TACC3: variants seen among roughly 807,000 people sequenced by gnomAD.
The protein encoded by TACC3 is transforming acidic coiled-coil containing protein 3.
In TACC3, 52 loss-of-function variants were observed where a neutral mutation model predicts 86.0. That is an observed-to-expected ratio of 0.60 (90% CI 0.48 to 0.76). The LOEUF (loss-of-function observed/expected upper bound fraction) is 0.76, where lower values mean the gene tolerates loss of function less well. Among genes scored for constraint, TACC3 ranks in the 30% least tolerant of loss-of-function variants. TACC3 has a pLI of 0.00. For synonymous variants in TACC3, 512 were observed against 430.0 expected (o/e 1.19, Z -2.36); for missense variants, 1,120 against 1,070.4 (o/e 1.05, Z -0.65).
In TACC3 at chr4:1,740,206, C is replaced by T. The variant is rs368836442; in HGVS notation, c.2062+204C>T. 4.0e-3 allele frequency: 2,435 copies of T among 605,812 alleles called. 21 individuals carry two copies. The highest frequency in any genetic ancestry group is 0.014 in the South Asian group (717 of 50,734). 37.5% of individuals were successfully genotyped at this position (605,812 alleles called of 1,614,324 possible). ...GTGGTAGTGAGGCTGGTGGCTCCCA[C>T]GGAGCCAGGGCTTGGCAGGCCCCAC... On this transcript the variant is annotated intron_variant, in intron 12 of 15. Coordinates refer to ENST00000313288, the MANE Select transcript of TACC3 (RefSeq NM_006342.3).
At chr4:1,737,951 C>G (rs749238437) in intron 10 of TACC3, 14 of 607,692 alleles carry the variant, frequency 2.3e-5, no homozygotes, top group Non-Finnish European at 4.3e-5. Flanking sequence ...ACTCTCCGGC[C>G]TGGGCATGGC....
At chr4:1,737,081 G>T (rs182829686) in intron 8 of TACC3, among the ~76,000 whole-genome samples, 160 bp from the exon 9 acceptor site, 1 of 152,190 alleles carries the variant, frequency 6.6e-6, no homozygotes, top group Non-Finnish European at 1.5e-5. Context: ...CAGAGAGGCC[G>T]GGCATGCTGG....
chr4:1,733,288 A>T (rs1718093700), intron 6 of TACC3, among the ~76,000 whole-genome samples: 1 of 152,208 alleles, frequency 6.6e-6, no homozygotes, highest in African/African-American at 2.4e-5. Flanking sequence ...TTTAAGAGGT[A>T]AATCCCTTTT....
chr4:1,729,899 G>A (rs921787221), intron 4 of TACC3, among the ~76,000 whole-genome samples: 4 of 152,214 alleles, frequency 2.6e-5, no homozygotes, highest in African/African-American at 9.6e-5. Context: ...CCAAGTGCTG[G>A]TGTTACCGCT....
At position 1,744,958 on chromosome 4, in the gene TACC3, A is replaced by G. The variant is rs2108726100; in HGVS notation, c.2462A>G (p.Asn821Ser). ...EKTVEQKTKE[N>S]EELTRICDDL... is the part of the protein sequence containing the mutation. ...ATCTTCCTCCTCCAGACTAAAGAGA[A>G]CGAGGAGCTGACCAGGATCTGCGAC... Residue 821 changes from asparagine to serine, a missense_variant, in exon 16 of 16, where the codon AAC becomes AGC. Asn to Ser is a conservative substitution (Grantham distance 46, BLOSUM62 1). Coordinates refer to ENST00000313288, the MANE Select transcript of TACC3 (RefSeq NM_006342.3). 1 of 1,612,054 alleles carries G rather than the reference A, an allele frequency of 6.2e-7. No individual in the cohort carries two copies. Among genetic ancestry groups the G allele is most frequent in the African/African-American group, 1.3e-5 (1 of 75,048 alleles).
chr4:1,743,861 T>A (rs1273514022), intron 13 of TACC3, among the ~76,000 whole-genome samples: 1 of 152,196 alleles, frequency 6.6e-6, no homozygotes, highest in African/African-American at 2.4e-5. Flanking sequence ...CATCAGGGGC[T>A]GCATGCTGGG....
upstream of TACC3, chr4:1,721,138 G>C: frequency 4.3e-6 from 1 of 233,414 alleles, no homozygotes; most frequent in Non-Finnish European, 8.0e-6. Context: ...GGGAGATGCA[G>C]TCCCCGTGCG....
At chr4:1,741,609 C>T (rs7654245) in intron 13 of TACC3, 60,371 of 152,248 alleles carry the variant, frequency 0.4, 12,337 homozygotes, top group Non-Finnish European at 0.46. Context: ...TGCTCAACGC[C>T]TCCTGTGGAG....
Position 1,735,836 on chromosome 4 carries a change from T to C in TACC3, c.1748+2T>C. 6.3e-7 allele frequency: 1 copy of C among 1,582,760 alleles called. No individual in the cohort carries two copies. Among genetic ancestry groups the C allele is most frequent in the Non-Finnish European group, 8.6e-7 (1 of 1,160,102 alleles). On this transcript the variant is annotated splice_donor_variant, in intron 8 of 15. Coordinates refer to ENST00000313288, the MANE Select transcript of TACC3 (RefSeq NM_006342.3). LOFTEE classifies it high-confidence loss of function. This position sits in a 1 kb window ranked among gnomAD's most constrained non-coding sequence, Gnocchi z 4.2. ...GCCCGTGGCCACCGAGACCAGCAGG[T>C]ATGTGCGCCGGCCCTCCCTCATGCA... is the stretch of plus-strand genomic sequence containing the variant.
chr4:1,721,809 C>T (rs1313982223), intron 1 of TACC3, 166 bp downstream of exon 1: 1 of 152,192 alleles, frequency 6.6e-6, no homozygotes, highest in African/African-American at 2.4e-5. Flanking sequence ...TGTACCGCGC[C>T]CTGTCATGGG....
chr4:1,741,061 C>A, intron 13 of TACC3, 75 bp downstream of exon 13: 2 of 1,453,506 alleles, frequency 1.4e-6, no homozygotes, highest in South Asian at 1.3e-5. Context: ...GGGCTACAAG[C>A]TGCTGTCTTT....
chr4:1,728,966 G>C (rs798760), intron 4 of TACC3, among the ~76,000 whole-genome samples, 179 bp downstream of exon 4: 4,411 of 152,324 alleles, frequency 0.029, 98 homozygotes, highest in South Asian at 0.065. Flanking sequence ...AGGGTGCTTG[G>C]CCTTGCCTTG....
At position 1,728,617 on chromosome 4, in the gene TACC3, C is replaced by G; in HGVS notation, c.1215C>G (p.Leu405=). 1 of 1,613,944 alleles carries G rather than the reference C, an allele frequency of 6.2e-7. No homozygotes were observed. The highest frequency in any genetic ancestry group is 8.5e-7 in the Non-Finnish European group (1 of 1,180,016). Residue 405 remains leucine, a synonymous_variant, in exon 4 of 16, where the codon CTC becomes CTG. Coordinates refer to ENST00000313288, the MANE Select transcript of TACC3 (RefSeq NM_006342.3). The part of the protein sequence containing the change: ...PMPASRGSYH[L]DWDKMDDPNF... ...CAGCTTCTCGGGGCTCTTACCACCT[C>G]GACTGGGACAAAATGGATGACCCAA...
intron 3 of TACC3, among the ~76,000 whole-genome samples, chr4:1,726,945 G>A (rs1258485639): frequency 6.6e-6 from 1 of 152,146 alleles, no homozygotes; most frequent in East Asian, 1.9e-4. Context: ...TGACCAACAT[G>A]ATGAAAACCT....
chr4:1,726,420 C>T (rs1333666949), intron 3 of TACC3, among the ~76,000 whole-genome samples: 1 of 152,188 alleles, frequency 6.6e-6, no homozygotes, highest in African/African-American at 2.4e-5. Flanking sequence ...CTTTGTTTAC[C>T]ACGCCCCCTG....
At chr4:1,742,914 C>T (rs1718663728) in intron 13 of TACC3, among the ~76,000 whole-genome samples, 1 of 152,022 alleles carries the variant, frequency 6.6e-6, no homozygotes, top group Admixed American at 6.6e-5. Flanking sequence ...TTGCAGTGAG[C>T]CGATATGGCA....
In TACC3 at chr4:1,731,190, G is replaced by T. The variant is rs1415208870; in HGVS notation, c.1480G>T (p.Ala494Ser). The T allele has an allele frequency of 6.2e-7, 1 of 1,613,350 alleles. No individual in the cohort carries two copies. Among genetic ancestry groups the T allele is most frequent in the Non-Finnish European group, 8.5e-7 (1 of 1,180,026 alleles). ...CCTCCAGGAGAGAGCCTTGAACTCTGCCAGCACCTCGCTTCCCACAAGCTG... is the reference window on the plus strand; with the variant it reads ...CCTCCAGGAGAGAGCCTTGAACTCTTCCAGCACCTCGCTTCCCACAAGCTG... ...AESKERALNS[A>S]STSLPTSCPG... is the part of the protein sequence containing the mutation. Residue 494 changes from alanine to serine, a missense_variant, in exon 6 of 16, where the codon GCC becomes TCC. Transcript: ENST00000313288.
rs756582963 is a variant in TACC3, at chr4:1,737,325, T to G, written c.1833T>G (p.Ile611Met). ...VEFDFLGALD[I>M]PVPGPPPGVP... ...TCGATTTCTTGGGAGCACTGGACAT[T>G]CCTGTAAGTCCTTGAGTCCCTCTTG... is the stretch of plus-strand genomic sequence containing the variant. The change falls in exon 9 of 16, where the codon ATT becomes ATG. Residue 611 changes from isoleucine (I) to methionine (M), a missense_variant. By Grantham distance (10) the Ile-to-Met change is conservative (BLOSUM62 1). Transcript: ENST00000313288. 9 of 1,613,728 alleles carry G rather than the reference T, an allele frequency of 5.6e-6. No individual in the cohort carries two copies. The highest frequency in any genetic ancestry group is 7.6e-6 in the Non-Finnish European group (9 of 1,179,792).
At chr4:1,732,057 C>T (rs934668393) in intron 6 of TACC3, among the ~76,000 whole-genome samples, 1 of 152,152 alleles carries the variant, frequency 6.6e-6, no homozygotes, top group Non-Finnish European at 1.5e-5. Context: ...TTGGAGGCTG[C>T]ACTTGAATAC....
Sources: gnomAD v4.1 joint callset for allele counts (sites outside exome capture counted in the v4.1 genomes callset) on GRCh38, gnomAD v4.1.1 for gene constraint, Gnocchi (gnomAD v3.1) non-coding constraint, MANE v1.5 for transcripts, NCBI Gene and HGNC (gene_info 2026-07-23, HGNC 2026-07-21) for gene names.